Variants in PCBP2 observed in about 807,000 individuals in gnomAD.
The protein encoded by PCBP2 is poly(rC) binding protein 2, also known as poly(rC)-binding protein 2.
PCBP2 carries 4 observed loss-of-function variants against 50.1 expected under a neutral mutation model. The observed-to-expected ratio is 0.08, with a 90% CI of 0.04 to 0.18. The LOEUF (loss-of-function observed/expected upper bound fraction) is 0.18. Ranked by LOEUF, PCBP2 falls within the 10% of genes least tolerant of loss-of-function variation. The probability of loss-of-function intolerance (pLI) is 1.00; values close to 1 mark genes in which losing one functional copy is unlikely to be tolerated. For synonymous variants in PCBP2, 179 were observed against 168.0 expected (o/e 1.07, Z -0.51); for missense variants, 161 against 474.3 (o/e 0.34, Z 6.14).
In PCBP2 at chr12:53,455,821, T is replaced by C. The variant is rs1050041889; in HGVS notation, c.127-64T>C. On this transcript the variant is annotated intron_variant, in intron 4 of 14. Transcript: ENST00000546463. ...ACATTGGCAGTCTTATAAGGGACTG[T>C]AGATCCTGTACATACTCAGATCTTC... The C allele has an allele frequency of 5.4e-5, 58 of 1,083,554 alleles. No individual in the cohort carries two copies. In the South Asian group the frequency reaches 7.3e-4, roughly 14 times the overall value. 67.1% of individuals were successfully genotyped at this position (1,083,554 alleles called of 1,614,324 possible). A position where few individuals can be genotyped will look rare whatever the true frequency, so the allele number is the denominator to read the frequency against.
At chr12:53,467,610 A>C (rs1592666231) in intron 11 of PCBP2, 195 bp from the exon 12 acceptor site, 1 of 629,610 alleles carries the variant, frequency 1.6e-6, no homozygotes, top group Admixed American at 2.8e-5. Context: ...TCTGATCAGC[A>C]CCCCCTTTCT....
intron 11 of PCBP2, 33 bp downstream of exon 11, chr12:53,467,326 TGTA>T (rs752957372): frequency 4.0e-5 from 62 of 1,548,408 alleles, no homozygotes; most frequent in Non-Finnish European, 5.1e-5. Context: ...TTCTGTAAGG[TGTA>T]GTGCAAGAGA....
chr12:53,477,615 G>C (rs933288824), intron 14 of PCBP2, among the ~76,000 whole-genome samples: 2 of 124,824 alleles, frequency 1.6e-5, no homozygotes, highest in Admixed American at 2.0e-4. Flanking sequence ...GCAGTGAGCC[G>C]AGACCGCGCC....
chr12:53,467,802 C>T lies in PCBP2; in HGVS notation c.788-3C>T, dbSNP rs1941921940. 1 of 1,611,168 alleles carries T rather than the reference C, an allele frequency of 6.2e-7. No homozygotes were observed. The highest frequency in any genetic ancestry group is 8.5e-7 in the Non-Finnish European group (1 of 1,177,608). ...AAACTCATTTTCACTTGTATCTTAA[C>T]AGGCATTGAATCCAGCTCTCCAGAG... On this transcript the variant is annotated splice_region_variant and splice_polypyrimidine_tract_variant and intron_variant, in intron 11 of 14. Coordinates refer to ENST00000546463, the MANE Select transcript of PCBP2 (RefSeq NM_031989.5).
intron 14 of PCBP2, among the ~76,000 whole-genome samples, chr12:53,474,529 T>G (rs1942446414): frequency 8.0e-6 from 1 of 124,846 alleles, no homozygotes; most frequent in South Asian, 2.3e-4. Flanking sequence ...GTTGGGTGAT[T>G]GATGAGTATC....
chr12:53,474,260 T>G (rs1256397895), intron 14 of PCBP2, among the ~76,000 whole-genome samples: 2 of 152,236 alleles, frequency 1.3e-5, no homozygotes, highest in Non-Finnish European at 2.9e-5. Context: ...TACACTTCTG[T>G]TCTCAGCATT....
rs11556928 is a variant in PCBP2 at position 53,479,511 on chromosome 12, C to T, written c.*69C>T. 2.9e-6 allele frequency: 4 copies of T among 1,384,148 alleles called. No individual in the cohort carries two copies. The Admixed American group carries it at 5.1e-5, about 18-fold the overall frequency. 85.7% of individuals were successfully genotyped at this position (1,384,148 alleles called of 1,614,324 possible). On this transcript the variant is annotated 3_prime_UTR_variant, in exon 15 of 15. Transcript: ENST00000546463. Reference sequence around the variant, plus strand: ...CACCCATGATCCATCTGTGTAGTTTCTGAACAGTCAGCGATTCCAGGTTTT... The same window carrying T: ...CACCCATGATCCATCTGTGTAGTTTTTGAACAGTCAGCGATTCCAGGTTTT...
rs1372199274 is a variant in PCBP2, at chr12:53,452,176, C to A, written c.-276C>A. 7.2e-6 allele frequency: 1 copy of A among 138,940 alleles called. No individual in the cohort carries two copies. The highest frequency in any genetic ancestry group is 1.6e-5 in the Non-Finnish European group (1 of 62,786). The allele number at this position is 138,940 out of a possible 1,614,324, so 8.6% of individuals were successfully genotyped here. A position where few individuals can be genotyped will look rare whatever the true frequency, so the allele number is the denominator to read the frequency against. ...CCCGCCCGCCCGCCCTCCGCCCGCC[C>A]GCCCGCCCTCCGCCGCCCTCCACCC... On this transcript the variant is annotated 5_prime_UTR_variant, in exon 1 of 15. Transcript: ENST00000546463.
intron 8 of PCBP2, among the ~76,000 whole-genome samples, chr12:53,463,086 T>G (rs1941565649): frequency 6.6e-6 from 1 of 152,170 alleles, no homozygotes; most frequent in Non-Finnish European, 1.5e-5. Flanking sequence ...AACACTGGTT[T>G]GAACCCACAT....
In PCBP2 at chr12:53,466,039, C is replaced by G. The variant is rs1371373135; in HGVS notation, c.714+66C>G. 32 of 1,360,120 alleles carry G rather than the reference C, an allele frequency of 2.4e-5. No individual in the cohort carries two copies. In the Admixed American group the frequency reaches 4.7e-4, roughly 20 times the overall value. 84.3% of individuals were successfully genotyped at this position (1,360,120 alleles called of 1,614,324 possible). A position where few individuals can be genotyped will look rare whatever the true frequency, so the allele number is the denominator to read the frequency against. On this transcript the variant is annotated intron_variant, in intron 10 of 14. Transcript: ENST00000546463. The stretch of plus-strand genomic sequence containing the variant: ...TCCCATCCAAAATTGTCTCACTCCT[C>G]TCTCCCAAGTAGCCAGAAGTGAGTT...
At chr12:53,464,189 C>G (rs1941650802) in intron 8 of PCBP2, among the ~76,000 whole-genome samples, 1 of 152,134 alleles carries the variant, frequency 6.6e-6, no homozygotes, top group Non-Finnish European at 1.5e-5. Flanking sequence ...CCCACTCCCC[C>G]TTTGGAATAG....
At chr12:53,474,266 G>T (rs569041568) in intron 14 of PCBP2, among the ~76,000 whole-genome samples, 3 of 152,218 alleles carry the variant, frequency 2.0e-5, no homozygotes, top group African/African-American at 7.2e-5. Context: ...TCTGTTCTCA[G>T]CATTTTTCTT....
At chr12:53,465,456 G>A (rs1941750605) in intron 9 of PCBP2, among the ~76,000 whole-genome samples, 2 of 152,174 alleles carry the variant, frequency 1.3e-5, no homozygotes, top group South Asian at 4.1e-4. Context: ...TAGGCAGATA[G>A]AGAAATAAGT....
Position 53,462,405 on chromosome 12 carries a change from A to T in PCBP2, c.505-88A>T. The T allele has an allele frequency of 5.0e-6, 5 of 1,009,328 alleles. No homozygotes were observed. The South Asian group carries it at 7.6e-5, about 15-fold the overall frequency. The allele number at this position is 1,009,328 out of a possible 1,614,324, so 62.5% of individuals were successfully genotyped here. On this transcript the variant is annotated intron_variant, in intron 7 of 14. Coordinates refer to ENST00000546463, the MANE Select transcript of PCBP2 (RefSeq NM_031989.5). The stretch of plus-strand genomic sequence containing the variant: ...GGGGATGGAAATAGTTTTTAATTTA[A>T]CTGACCTGTGTGAGCTAAAGCCACA...
chr12:53,475,112 T>C (rs1232992037), intron 14 of PCBP2: 1 of 456,506 alleles, frequency 2.2e-6, no homozygotes, highest in South Asian at 1.5e-5. Flanking sequence ...ATGTTGTGTC[T>C]GCTGCTAAGG....
At chr12:53,470,695 A>T (rs755103486) in intron 13 of PCBP2, among the ~76,000 whole-genome samples, 7 of 151,812 alleles carry the variant, frequency 4.6e-5, no homozygotes, top group Non-Finnish European at 1.0e-4. Flanking sequence ...GTGGTTCATG[A>T]ACATCAGATC....
At chr12:53,467,550 A>G (rs962815575) in intron 11 of PCBP2, 11 of 614,402 alleles carry the variant, frequency 1.8e-5, no homozygotes, top group Middle Eastern at 4.0e-4. Flanking sequence ...TTGTCAGGCA[A>G]AGGGTAGGCT....
chr12:53,478,329 G>C (rs1317699216), intron 14 of PCBP2, among the ~76,000 whole-genome samples: 1 of 152,088 alleles, frequency 6.6e-6, no homozygotes, highest in Non-Finnish European at 1.5e-5. Flanking sequence ...CCAACATGGT[G>C]AAACTCTGTC....
rs186351607 is a variant in PCBP2, at chr12:53,457,475, A to G, written c.243+1474A>G. On this transcript the variant is annotated intron_variant, in intron 5 of 14. Coordinates refer to ENST00000546463, the MANE Select transcript of PCBP2 (RefSeq NM_031989.5). Reference sequence around the variant, plus strand: ...ATCTTCCCACCTAAGCCTACCCAGTAGGTGGGACCACAGGCTTGAACCACC... The same window carrying G: ...ATCTTCCCACCTAAGCCTACCCAGTGGGTGGGACCACAGGCTTGAACCACC... Among the ~76,000 whole-genome samples the G allele has an allele frequency of 2.6e-4, 40 of 152,230 alleles. No individual in the cohort carries two copies. In the East Asian group the frequency reaches 7.5e-3, roughly 29 times the overall value.
Sources: allele counts gnomAD v4.1 joint callset (sites outside exome capture counted in the v4.1 genomes callset), GRCh38; gene constraint gnomAD v4.1.1; transcripts MANE v1.5; gene names NCBI Gene and HGNC (gene_info 2026-07-23, HGNC 2026-07-21).